The following IAH1 variants were observed in gnomAD, a reference collection of about 807,000 sequenced individuals.
IAH1 encodes the protein isoamyl acetate hydrolyzing esterase 1 (putative).
IAH1 carries 24 observed loss-of-function variants against 26.7 expected under a neutral mutation model. That is an observed-to-expected ratio of 0.90 (90% CI 0.65 to 1.26). The LOEUF (loss-of-function observed/expected upper bound fraction) is 1.26. Among genes scored for constraint, IAH1 ranks in the 50% most tolerant of loss-of-function variants. IAH1 has a pLI of 0.00. For synonymous variants in IAH1, 140 were observed against 118.5 expected, an observed-to-expected ratio of 1.18 and a Z score of -1.18; for missense variants, 300 against 299.9, an observed-to-expected ratio of 1.00 and a Z score of 0.00.
At chr2:9,509,902 C>T in the IAH1 span, 40 of 1,541,962 alleles carry the variant, frequency 2.6e-5, no homozygotes, top group Middle Eastern at 3.5e-4. Flanking sequence ...GAATGGAATA[C>T]GTTTCTGAGC....
At chr2:9,490,162 G>A, downstream of IAH1, 3 of 1,577,112 alleles carry the variant, frequency 1.9e-6, 1 homozygote, top group South Asian at 3.4e-5. Context: ...TAAGTCAGAA[G>A]AGCTGAGAAC....
At chr2:9,475,122 G>A in intron 1 of IAH1, 1 of 1,275,134 alleles carries the variant, frequency 7.8e-7, no homozygotes. Context: ...GGTTGACCTT[G>A]GAAGTAAAAC....
At chr2:9,489,999 T>A (rs1213441224), downstream of IAH1, 1 of 565,330 alleles carries the variant, frequency 1.8e-6, no homozygotes, top group Non-Finnish European at 3.0e-6. Flanking sequence ...CACCTTACCT[T>A]TTCAAAAGGA....
At chr2:9,504,918 A>G in the IAH1 span, among the ~76,000 whole-genome samples, 1 of 151,968 alleles carries the variant, frequency 6.6e-6, no homozygotes, top group African/African-American at 2.4e-5. Flanking sequence ...GTGTCTCACT[A>G]TGTTGCCCAG....
At chr2:9,499,672 G>A (rs1662884867), downstream of IAH1, among the ~76,000 whole-genome samples, 1 of 152,112 alleles carries the variant, frequency 6.6e-6, no homozygotes, top group South Asian at 2.1e-4. Flanking sequence ...AAAGTGCTAG[G>A]ATTACAGGTG....
downstream of IAH1, chr2:9,497,270 A>C: frequency 1.9e-6 from 3 of 1,613,454 alleles, no homozygotes; most frequent in Non-Finnish European, 2.5e-6. Flanking sequence ...CACCAGTCAT[A>C]ACAAAAAGAA....
intron 3 of IAH1, among the ~76,000 whole-genome samples, 193 bp from the exon 4 acceptor site, chr2:9,481,093 G>C (rs1479593952): frequency 2.0e-5 from 3 of 152,144 alleles, no homozygotes; most frequent in African/African-American, 7.2e-5. Flanking sequence ...CCTAGTTAGA[G>C]CCTTTGAAGT....
the IAH1 span, among the ~76,000 whole-genome samples, chr2:9,510,380 G>C: frequency 2.0e-5 from 3 of 152,018 alleles, no homozygotes; most frequent in Non-Finnish European, 4.4e-5. Flanking sequence ...ATATTAACCA[G>C]GTGGGCTAGG....
chr2:9,477,719 A>T (rs1414236755), intron 2 of IAH1, among the ~76,000 whole-genome samples: 1 of 151,474 alleles, frequency 6.6e-6, no homozygotes, highest in African/African-American at 2.4e-5. Flanking sequence ...AACTGTTTTT[A>T]AGAAGGAAAC....
chr2:9,503,615 C>T, the IAH1 span, among the ~76,000 whole-genome samples: 1 of 151,922 alleles, frequency 6.6e-6, no homozygotes, highest in Non-Finnish European at 1.5e-5. Context: ...CTGAGGCAGG[C>T]AGATCACGAA....
chr2:9,502,120 G>C, the IAH1 span: 2 of 1,443,682 alleles, frequency 1.4e-6, no homozygotes, highest in Non-Finnish European at 1.9e-6. Flanking sequence ...GTTTTTCAAA[G>C]ACACACACAC....
At chr2:9,494,684 A>G (rs766635709), downstream of IAH1, 5 of 1,614,128 alleles carry the variant, frequency 3.1e-6, no homozygotes, top group Admixed American at 3.3e-5. Context: ...TTCCTCAAAA[A>G]TAAGTTCTTT....
At chr2:9,479,795 C>CTTTTTTTTTTTTTTTTTTTTTT (rs5829216) in intron 3 of IAH1, among the ~76,000 whole-genome samples, 1 of 69,848 alleles carries the variant, frequency 1.4e-5, no homozygotes, top group Non-Finnish European at 2.5e-5. Context: ...CTGTGTATTG[C>CTTTTTTTTTTTTTTTTTTTTTT]TTTTTTTTTT....
intron 3 of IAH1, 110 bp from the exon 4 acceptor site, chr2:9,481,176 A>G: frequency 8.6e-7 from 1 of 1,162,940 alleles, no homozygotes; most frequent in East Asian, 2.4e-5. Context: ...GGTGTTAAAC[A>G]ATCCCCCCAG....
intron 5 of IAH1, chr2:9,487,503 CAT>C (rs1286104218): frequency 1.3e-5 from 2 of 152,146 alleles, no homozygotes; most frequent in African/African-American, 2.4e-5. Context: ...AGAATCATGT[CAT>C]ATGATTCAGA....
chr2:9,478,861 G>A (rs1320117827), intron 3 of IAH1, among the ~76,000 whole-genome samples: 1 of 152,170 alleles, frequency 6.6e-6, no homozygotes, highest in Non-Finnish European at 1.5e-5. Context: ...GTGACTAGAG[G>A]AAAGCTAGCC....
the IAH1 span, chr2:9,505,459 T>A: frequency 1.5e-6 from 2 of 1,320,048 alleles, no homozygotes; most frequent in South Asian, 1.2e-5. Flanking sequence ...AAACTCTTAA[T>A]GTAAAACCAC....
downstream of IAH1, chr2:9,490,035 T>C: frequency 1.3e-6 from 1 of 759,306 alleles, no homozygotes; most frequent in Non-Finnish European, 2.1e-6. Context: ...ACAAGAACTG[T>C]TTACCTGCAG....
downstream of IAH1, among the ~76,000 whole-genome samples, chr2:9,492,130 T>C (rs183094817): frequency 1.7e-3 from 259 of 152,300 alleles, no homozygotes; most frequent in Non-Finnish European, 3.0e-3. Context: ...AAAAACTCCT[T>C]TGTCATCAGA....
Sources: gnomAD v4.1 joint callset for allele counts (sites outside exome capture counted in the v4.1 genomes callset) on GRCh38, gnomAD v4.1.1 for gene constraint, MANE v1.5 for transcripts, NCBI Gene and HGNC (gene_info 2026-07-23, HGNC 2026-07-21) for gene names.